The following ADAMTS10 variants were observed in gnomAD, a reference collection of about 807,000 sequenced individuals.
ADAMTS10 encodes the protein A disintegrin and metalloproteinase with thrombospondin motifs 10.
A neutral mutation model predicts 135.9 loss-of-function variants in ADAMTS10; 48 were observed. The ratio of observed to expected loss-of-function variants is 0.35; its 90% confidence interval spans 0.28 to 0.45. ADAMTS10 has a LOEUF of 0.45. ADAMTS10 is among the 20% of genes least tolerant of loss of function. ADAMTS10 has a pLI of 1.00. For synonymous variants in ADAMTS10, 621 were observed against 647.5 expected (o/e 0.96, Z 0.62); for missense variants, 1,131 against 1,565.2 (o/e 0.72, Z 4.68).
intron 4 of ADAMTS10, among the ~76,000 whole-genome samples, chr19:8,604,681 T>G (rs1165257118): frequency 6.8e-6 from 1 of 147,708 alleles, no homozygotes; most frequent in Admixed American, 6.7e-5. Flanking sequence ...AGATGGGGTT[T>G]CACCATGTTG....
intron 4 of ADAMTS10, among the ~76,000 whole-genome samples, chr19:8,604,779 C>G (rs1163216019): frequency 2.0e-5 from 3 of 152,132 alleles, no homozygotes; most frequent in Non-Finnish European, 4.4e-5. Context: ...AGTCACCATG[C>G]CCAGCCTCGA....
At position 8,580,518 on chromosome 19, in the gene ADAMTS10, G is replaced by T; in HGVS notation, c.*375C>A. ...GGGCAGTGCTGGGGGGCAGGGCACC[G>T]GCAGACCACCTCCCCACCCCTACTC... On this transcript the variant is annotated 3_prime_UTR_variant, in exon 26 of 26. Coordinates refer to ENST00000597188, the MANE Select transcript of ADAMTS10 (RefSeq NM_030957.4). 5.0e-6 allele frequency: 1 copy of T among 199,938 alleles called. No individual in the cohort carries two copies. The allele number at this position is 199,938 out of a possible 1,614,324, so 12.4% of individuals were successfully genotyped here.
At chr19:8,592,693 G>A (rs2042555216) in intron 13 of ADAMTS10, 70 bp downstream of exon 13, 1 of 1,446,544 alleles carries the variant, frequency 6.9e-7, no homozygotes, top group Non-Finnish European at 9.5e-7. Flanking sequence ...AGGACAGGCG[G>A]GTAGGCGTGG....
intron 4 of ADAMTS10, 58 bp from the exon 5 acceptor site, chr19:8,603,942 C>T: frequency 6.6e-7 from 1 of 1,511,430 alleles, no homozygotes; most frequent in Non-Finnish European, 8.9e-7. Context: ...AGCTTAGGAC[C>T]CCTGGGACCT....
chr19:8,606,773 GGACGGGGGCAT>G (rs1555742672), intron 2 of ADAMTS10, among the ~76,000 whole-genome samples: 1 of 152,146 alleles, frequency 6.6e-6, no homozygotes, highest in Admixed American at 6.6e-5. Context: ...GGTGGAGGGT[GGACGGGGGCAT>G]GACAGCCAGG....
rs993347409 is a variant in ADAMTS10, at chr19:8,580,394, C to T, written c.*499G>A. On this transcript the variant is annotated 3_prime_UTR_variant, in exon 26 of 26. Transcript: ENST00000597188. ...CAGGGCAGAGGTTGGGGTGGATCCT[C>T]CCCCTAGTCAGGTCAGGGGAGGGTG... The T allele has an allele frequency of 1.2e-5, 2 of 162,726 alleles. No individual in the cohort carries two copies. Among genetic ancestry groups the T allele is most frequent in the African/African-American group, 4.8e-5 (2 of 41,342 alleles). 10.1% of individuals were successfully genotyped at this position (162,726 alleles called of 1,614,324 possible). A position where few individuals can be genotyped will look rare whatever the true frequency, so the allele number is the denominator to read the frequency against.
At position 8,584,960 on chromosome 19, in the gene ADAMTS10, C is replaced by T. The variant is rs2146037905; in HGVS notation, c.3137G>A (p.Arg1046Gln). Reference protein sequence around the residue: ...QASHECTEALRPPTTQQCEAK... With the variant: ...QASHECTEALQPPTTQQCEAK... ...CTCACACTGCTGCGTGGTGGGCGGC[C>T]GCAGGGCCTCCGTGCACTCGTGCGA... Residue 1046 changes from arginine to glutamine, a missense_variant, in exon 25 of 26, where the codon CGG becomes CAG. Physicochemically the swap from Arg to Gln is conservative, Grantham distance 43. This residue lies in a region of ADAMTS10 where 745 missense variants were observed against 1,056.3 expected (regional missense o/e 0.71). Coordinates refer to ENST00000597188, the MANE Select transcript of ADAMTS10 (RefSeq NM_030957.4). 1.9e-6 allele frequency: 3 copies of T among 1,547,724 alleles called. No individual in the cohort carries two copies. The highest frequency in any genetic ancestry group is 2.6e-6 in the Non-Finnish European group (3 of 1,146,334).
rs369938189 is a variant in ADAMTS10, at chr19:8,586,996, C to A, written c.2159-100G>T. The A allele has an allele frequency of 3.2e-6, 4 of 1,243,724 alleles. 1 individual carries two copies. Among genetic ancestry groups the A allele is most frequent in the African/African-American group, 2.9e-5 (2 of 67,798 alleles). The allele number at this position is 1,243,724 out of a possible 1,614,324, so 77.0% of individuals were successfully genotyped here. ...TGAGGATAACAGCTAACTATTACTGCGCTAAACACACATCTAACTGCACCC... is the reference window on the plus strand; with the variant it reads ...TGAGGATAACAGCTAACTATTACTGAGCTAAACACACATCTAACTGCACCC... On this transcript the variant is annotated intron_variant, in intron 18 of 25. Coordinates refer to ENST00000597188, the MANE Select transcript of ADAMTS10 (RefSeq NM_030957.4).
rs1227702377 is a variant in ADAMTS10 at position 8,592,065 on chromosome 19, G to A, written c.1626C>T (p.Arg542=). The A allele has an allele frequency of 6.2e-7, 1 of 1,613,680 alleles. No homozygotes were observed. Among genetic ancestry groups the A allele is most frequent in the Non-Finnish European group, 8.5e-7 (1 of 1,179,856 alleles). The part of the protein sequence containing the change: ...YKRVCVPFGS[R]PEGVDGAWGP... The stretch of plus-strand genomic sequence containing the variant: ...CCCAGGCTCCGTCCACACCCTCTGG[G>A]CGCGACCCAAAGGGGACACAGACCC... Residue 542 remains arginine, a synonymous_variant, in exon 14 of 26, where the codon CGC becomes CGT. Transcript: ENST00000597188.
chr19:8,605,449 G>T lies in ADAMTS10; in HGVS notation c.89-91C>A. The stretch of plus-strand genomic sequence containing the variant: ...TAGGCTGCTGGAGCAAGTGATGCTG[G>T]CCTCACTGACCCCCGAAATCCAGGG... On this transcript the variant is annotated intron_variant, in intron 3 of 25. Transcript: ENST00000597188. This position sits in a 1 kb window ranked among gnomAD's most constrained non-coding sequence, Gnocchi z 7.7. The T allele has an allele frequency of 1.4e-6, 2 of 1,478,952 alleles. No individual in the cohort carries two copies. The highest frequency in any genetic ancestry group is 2.8e-5 in the African/African-American group (2 of 71,772). The allele number at this position is 1,478,952 out of a possible 1,614,324, so 91.6% of individuals were successfully genotyped here.
chr19:8,584,154 C>CAAAAAAAAAAAAAAAAAAAAA (rs34412373), intron 25 of ADAMTS10, among the ~76,000 whole-genome samples: 1 of 44,892 alleles, frequency 2.2e-5, no homozygotes, highest in Non-Finnish European at 4.2e-5. Context: ...GACTCCATCT[C>CAAAAAAAAAAAAAAAAAAAAA]AAAAAAAAAA....
chr19:8,601,016 A>G lies in ADAMTS10; in HGVS notation c.722T>C (p.Val241Ala). ...LKRSVSRERYVETLVVADKMM... is the reference protein window; with the variant it reads ...LKRSVSRERYAETLVVADKMM... Reference sequence around the variant, plus strand: ...CTTGTCAGCCACCACCAGGGTCTCCACGTAGCGCTCTCGGCTGACCGATCG... The same window carrying G: ...CTTGTCAGCCACCACCAGGGTCTCCGCGTAGCGCTCTCGGCTGACCGATCG... The change falls in exon 6 of 26, where the codon GTG becomes GCG. Residue 241 changes from valine (V) to alanine (A), a missense_variant. Coordinates refer to ENST00000597188, the MANE Select transcript of ADAMTS10 (RefSeq NM_030957.4). The surrounding 1 kb of genome is among the most constrained non-coding windows in gnomAD (Gnocchi z 4.6). The G allele has an allele frequency of 6.2e-7, 1 of 1,614,080 alleles. No homozygotes were observed. Among genetic ancestry groups the G allele is most frequent in the Non-Finnish European group, 8.5e-7 (1 of 1,180,012 alleles).
chr19:8,594,937 T>C (rs1555739843), intron 12 of ADAMTS10, among the ~76,000 whole-genome samples: 1 of 152,166 alleles, frequency 6.6e-6, no homozygotes, highest in Non-Finnish European at 1.5e-5. Flanking sequence ...GTTCCAGGGT[T>C]TGTCTCTGTC....
In ADAMTS10 at chr19:8,601,960, G is replaced by A. The variant is rs1277708628; in HGVS notation, c.593-815C>T. 6.6e-6 allele frequency among the ~76,000 whole-genome samples: 1 copy of A among 152,190 alleles called. No individual in the cohort carries two copies. ...CTGTCCCATGATGACCAGCATGATTGTACAATCCACTGACAATTCCACTGC... is the reference window on the plus strand; with the variant it reads ...CTGTCCCATGATGACCAGCATGATTATACAATCCACTGACAATTCCACTGC... On this transcript the variant is annotated intron_variant, in intron 5 of 25. Coordinates refer to ENST00000597188, the MANE Select transcript of ADAMTS10 (RefSeq NM_030957.4). This position sits in a 1 kb window ranked among gnomAD's most constrained non-coding sequence, Gnocchi z 4.6.
At chr19:8,592,641 G>C in intron 13 of ADAMTS10, 122 bp downstream of exon 13, 1 of 1,013,588 alleles carries the variant, frequency 9.9e-7, no homozygotes, top group South Asian at 1.4e-5. Context: ...GAGCACAAAT[G>C]GCGGGCGTGG....
chr19:8,606,975 C>T (rs1482088072), intron 2 of ADAMTS10, among the ~76,000 whole-genome samples: 2 of 152,066 alleles, frequency 1.3e-5, no homozygotes, highest in Admixed American at 1.3e-4. Flanking sequence ...TGTGAAGAGA[C>T]AGGCGAAGGT....
Position 8,596,639 on chromosome 19 carries a change from C to T in ADAMTS10, c.1041-54G>A. The T allele has an allele frequency of 4.4e-6, 7 of 1,596,602 alleles. No individual in the cohort carries two copies. Among genetic ancestry groups the T allele is most frequent in the Non-Finnish European group, 6.0e-6 (7 of 1,169,756 alleles). On this transcript the variant is annotated intron_variant, in intron 8 of 25. Transcript: ENST00000597188. The surrounding 1 kb of genome is among the most constrained non-coding windows in gnomAD (Gnocchi z 7.2). ...GGCTGGGCTGTCTCCCTAAGCCCTG[C>T]TGATGCCACCATGCCCAGCTCTGGG...
chr19:8,603,305 T>G (rs1555741845), intron 5 of ADAMTS10, among the ~76,000 whole-genome samples: 1 of 152,132 alleles, frequency 6.6e-6, no homozygotes, highest in East Asian at 1.9e-4. Context: ...GACGGAGTCT[T>G]GCTGTGTCGC....
In ADAMTS10 at chr19:8,586,652, G is replaced by A. The variant is rs1555737321; in HGVS notation, c.2309C>T (p.Pro770Leu). 3.1e-6 allele frequency: 5 copies of A among 1,614,048 alleles called. No homozygotes were observed. Among genetic ancestry groups the A allele is most frequent in the Non-Finnish European group, 4.2e-6 (5 of 1,180,008 alleles). The change falls in exon 20 of 26, where the codon CCT becomes CTT. Residue 770 changes from proline (P) to leucine (L), a missense_variant. Pro to Leu is a moderately conservative substitution (Grantham distance 98, BLOSUM62 -3). Coordinates refer to ENST00000597188, the MANE Select transcript of ADAMTS10 (RefSeq NM_030957.4). ...CAGTTGAAAGGTGGTCCCAGCTAGA[G>A]GCAGACGGTGGGGCTGGGGGGTCCC... is the stretch of plus-strand genomic sequence containing the variant. ...LPGTPQPHRLPLAGTTFQLRQ... is the reference protein window; with the variant it reads ...LPGTPQPHRLLLAGTTFQLRQ...
Sources: allele counts gnomAD v4.1 joint callset (sites outside exome capture counted in the v4.1 genomes callset), GRCh38; gene constraint gnomAD v4.1.1; regional missense constraint gnomAD v4.1.1; non-coding constraint Gnocchi (gnomAD v3.1); transcripts MANE v1.5; gene names NCBI Gene and HGNC (gene_info 2026-07-23, HGNC 2026-07-21).